The following INTS8 variants were observed in gnomAD, a reference collection of about 807,000 sequenced individuals.
INTS8 encodes integrator complex subunit 8.
INTS8 carries 47 observed loss-of-function variants against 138.9 expected under a neutral mutation model. The ratio of observed to expected loss-of-function variants is 0.34; its 90% CI spans 0.27 to 0.43. INTS8 has a LOEUF of 0.43. Among genes scored for constraint, INTS8 ranks in the 20% least tolerant of loss-of-function variants. The probability of loss-of-function intolerance (pLI) is 1.00; values close to 1 mark genes in which losing one functional copy is unlikely to be tolerated. For synonymous variants in INTS8, 392 were observed against 400.9 expected (o/e 0.98, Z 0.27); for missense variants, 996 against 1,173.0 (o/e 0.85, Z 2.20).
chr8:94,855,164 A>G (rs1225858233), intron 14 of INTS8, among the ~76,000 whole-genome samples: 1 of 152,206 alleles, frequency 6.6e-6, no homozygotes, highest in Non-Finnish European at 1.5e-5. Flanking sequence ...TTGCATGCTA[A>G]AGTTGGAGAA....
At chr8:94,851,203 A>G (rs999698915) in intron 12 of INTS8, among the ~76,000 whole-genome samples, 1 of 151,506 alleles carries the variant, frequency 6.6e-6, no homozygotes. Context: ...CTGTTAACAC[A>G]TTATATTCAA....
At chr8:94,849,016 C>A (rs1815432881) in intron 10 of INTS8, among the ~76,000 whole-genome samples, 1 of 151,986 alleles carries the variant, frequency 6.6e-6, no homozygotes. Flanking sequence ...TTTAACTATT[C>A]ATGAATAGCT....
intron 15 of INTS8, among the ~76,000 whole-genome samples, chr8:94,857,573 G>A (rs1030269755): frequency 3.3e-5 from 5 of 152,156 alleles, no homozygotes; most frequent in Non-Finnish European, 5.9e-5. Flanking sequence ...AAGTCAGGAT[G>A]TCTGCAGGGC....
intron 6 of INTS8, among the ~76,000 whole-genome samples, chr8:94,833,710 C>T (rs1814811916): frequency 6.6e-6 from 1 of 152,178 alleles, no homozygotes; most frequent in Non-Finnish European, 1.5e-5. Context: ...ACTTACATAG[C>T]TGAGTGACAA....
At chr8:94,825,129 A>G (rs1814442552) in intron 2 of INTS8, 62 bp downstream of exon 2, 4 of 1,178,268 alleles carry the variant, frequency 3.4e-6, no homozygotes, top group Non-Finnish European at 4.9e-6. Flanking sequence ...GTTTATTTCT[A>G]TATATGCTTT....
At chr8:94,858,222 T>G (rs1322967403) in intron 15 of INTS8, among the ~76,000 whole-genome samples, 1 of 152,232 alleles carries the variant, frequency 6.6e-6, no homozygotes, top group Non-Finnish European at 1.5e-5. Context: ...AATTGCATTA[T>G]AAAAGGAAGG....
intron 2 of INTS8, 71 bp downstream of exon 2, chr8:94,825,138 T>C: frequency 9.1e-7 from 1 of 1,093,812 alleles, no homozygotes; most frequent in Non-Finnish European, 1.4e-6. Flanking sequence ...TATATATGCT[T>C]TTATGATATC....
chr8:94,870,134 C>T (rs974062582), intron 20 of INTS8, among the ~76,000 whole-genome samples: 4 of 151,852 alleles, frequency 2.6e-5, no homozygotes, highest in African/African-American at 9.7e-5. Context: ...TCACTGCAAG[C>T]TCTGCCTCCC....
chr8:94,850,786 C>A (rs1047612971), intron 12 of INTS8, among the ~76,000 whole-genome samples: 54 of 151,778 alleles, frequency 3.6e-4, no homozygotes, highest in Non-Finnish European at 5.4e-4. Context: ...CTAGTATCTG[C>A]TGACTGAACA....
intron 3 of INTS8, 151 bp downstream of exon 3, chr8:94,827,554 C>T (rs1814554960): frequency 8.9e-7 from 1 of 1,119,868 alleles, no homozygotes; most frequent in South Asian, 1.5e-5. Context: ...AAATTTGTGA[C>T]TGCATAGATG....
intron 1 of INTS8, among the ~76,000 whole-genome samples, chr8:94,824,542 A>G (rs1157868387): frequency 6.6e-6 from 1 of 152,082 alleles, no homozygotes; most frequent in Non-Finnish European, 1.5e-5. Flanking sequence ...TAGTTCTAAT[A>G]TTTATATCTC....
rs375109031 is a variant in INTS8 at position 94,871,628 on chromosome 8, C to T, written c.2415-256C>T. ...AAGAGGCAAATACACTTTCTTGGTGCAGCCTTGTCTACCTTTGACATTCTG... is the reference window on the plus strand; with the variant it reads ...AAGAGGCAAATACACTTTCTTGGTGTAGCCTTGTCTACCTTTGACATTCTG... On this transcript the variant is annotated intron_variant, in intron 20 of 26. Transcript: ENST00000523731. Among the ~76,000 whole-genome samples, 6 of 152,274 alleles carry T rather than the reference C, an allele frequency of 3.9e-5. No homozygotes were observed. In the East Asian group the frequency reaches 5.8e-4, roughly 15 times the overall value.
chr8:94,831,333 C>T (rs987418944), intron 5 of INTS8, among the ~76,000 whole-genome samples: 3 of 151,912 alleles, frequency 2.0e-5, no homozygotes, highest in Non-Finnish European at 2.9e-5. Flanking sequence ...AGGCAGGTCT[C>T]GAACCCCTGG....
chr8:94,876,655 C>T, intron 26 of INTS8, 166 bp downstream of exon 26: 1 of 522,364 alleles, frequency 1.9e-6, no homozygotes, highest in Non-Finnish European at 3.3e-6. Flanking sequence ...TTAACTGTTC[C>T]ATGTCATTAT....
Position 94,867,182 on chromosome 8 carries a change from C to A in INTS8, c.2338C>A (p.Leu780Ile), listed in dbSNP as rs1212404669. ...TATTATTTTATCACTCTTTGTGAAA[C>A]TTCACAATGTTCGGGTAAGTATTTC... ...LTIILSLFVK[L>I]HNVREDIVND... The change falls in exon 19 of 27, where the codon CTT becomes ATT. Residue 780 changes from leucine to isoleucine, a missense_variant. Leu to Ile is a conservative substitution (Grantham distance 5, BLOSUM62 2). Coordinates refer to ENST00000523731, the MANE Select transcript of INTS8 (RefSeq NM_017864.4). 2 of 1,609,970 alleles carry A rather than the reference C, an allele frequency of 1.2e-6. No individual in the cohort carries two copies. Among genetic ancestry groups the A allele is most frequent in the Non-Finnish European group, 1.7e-6 (2 of 1,177,738 alleles).
intron 10 of INTS8, among the ~76,000 whole-genome samples, chr8:94,846,798 A>G (rs907003891): frequency 3.9e-5 from 6 of 152,206 alleles, no homozygotes; most frequent in African/African-American, 1.4e-4. Flanking sequence ...TTTTTAAAAT[A>G]ACGAATTATT....
At chr8:94,868,945 T>G (rs1225591781) in intron 20 of INTS8, 1 of 151,824 alleles carries the variant, frequency 6.6e-6, no homozygotes, top group Admixed American at 6.6e-5. Flanking sequence ...GCTCTGGAAT[T>G]ATAGGCGTGA....
chr8:94,841,319 C>T (rs967799284), intron 8 of INTS8, among the ~76,000 whole-genome samples, 172 bp from the exon 9 acceptor site: 1 of 152,112 alleles, frequency 6.6e-6, no homozygotes, highest in Admixed American at 6.6e-5. Flanking sequence ...GGTAGCAGGG[C>T]TGTTTTTGCC....
At position 94,827,512 on chromosome 8, in the gene INTS8, A is replaced by C. The variant is rs1814553947; in HGVS notation, c.446+109A>C. The C allele has an allele frequency of 5.3e-6, 7 of 1,329,790 alleles. No individual in the cohort carries two copies. The South Asian group carries it at 9.2e-5, about 17-fold the overall frequency. The allele number at this position is 1,329,790 out of a possible 1,614,324, so 82.4% of individuals were successfully genotyped here. ...CCCATTCTGCTGCAGGGATTTTTCA[A>C]ATCTGGGGAACTGTGAGTCTAATGG... On this transcript the variant is annotated intron_variant, in intron 3 of 26. Coordinates refer to ENST00000523731, the MANE Select transcript of INTS8 (RefSeq NM_017864.4).
Sources: gnomAD v4.1 joint callset for allele counts (sites outside exome capture counted in the v4.1 genomes callset) on GRCh38, gnomAD v4.1.1 for gene constraint, MANE v1.5 for transcripts, NCBI Gene and HGNC (gene_info 2026-07-23, HGNC 2026-07-21) for gene names.